Variants in ASB13 observed in about 807,000 individuals in gnomAD.
ASB13 encodes the protein ankyrin repeat and SOCS box protein 13.
Under a neutral mutation model 28.8 loss-of-function variants are expected in ASB13, and 33 were observed. The ratio of observed to expected loss-of-function variants is 1.15; its 90% CI spans 0.87 to 1.53. ASB13 has a LOEUF of 1.53. Among genes scored for constraint, ASB13 ranks in the 40% most tolerant of loss-of-function variants. ASB13 has a pLI of 0.00. For missense variants in ASB13, 414 were observed against 390.1 expected, an observed-to-expected ratio of 1.06 and a Z score of -0.52; for synonymous variants, 182 against 172.9, an observed-to-expected ratio of 1.05 and a Z score of -0.41.
At chr10:5,662,301 C>T (rs1438371394) in intron 1 of ASB13, among the ~76,000 whole-genome samples, 7 of 151,842 alleles carry the variant, frequency 4.6e-5, no homozygotes, top group Non-Finnish European at 1.0e-4. Context: ...GGCGGATCAC[C>T]TGAGGTCAAG....
intron 1 of ASB13, among the ~76,000 whole-genome samples, chr10:5,666,277 C>T (rs929482500): frequency 1.3e-5 from 2 of 152,102 alleles, no homozygotes; most frequent in Non-Finnish European, 2.9e-5. Flanking sequence ...GCACGGACTG[C>T]AACCCCGCAG....
chr10:5,666,095 G>C (rs1191176267), intron 1 of ASB13, among the ~76,000 whole-genome samples: 1 of 152,186 alleles, frequency 6.6e-6, no homozygotes, highest in African/African-American at 2.4e-5. Flanking sequence ...AGTGGAGGGG[G>C]GTTTAGCTCT....
chr10:5,642,932 A>T lies in ASB13; in HGVS notation c.518-971T>A, dbSNP rs990681022. 6.6e-6 allele frequency among the ~76,000 whole-genome samples: 1 copy of T among 152,238 alleles called. No homozygotes were observed. Among genetic ancestry groups the T allele is most frequent in the Non-Finnish European group, 1.5e-5 (1 of 68,048 alleles). On this transcript the variant is annotated intron_variant, in intron 4 of 5. Coordinates refer to ENST00000357700, the MANE Select transcript of ASB13 (RefSeq NM_024701.4). This position sits in a 1 kb window ranked among gnomAD's most constrained non-coding sequence, Gnocchi z 4.1. The stretch of plus-strand genomic sequence containing the variant: ...ATGGCATTTTGCAACACACTAAAAA[A>T]AATTTTGATAAAAATATGATTTTTG...
In ASB13 at chr10:5,650,731, A is replaced by G. The variant is rs1834970789; in HGVS notation, c.382+482T>C. On this transcript the variant is annotated intron_variant, in intron 3 of 5. Coordinates refer to ENST00000357700, the MANE Select transcript of ASB13 (RefSeq NM_024701.4). The surrounding 1 kb of genome is among the most constrained non-coding windows in gnomAD (Gnocchi z 6.0). Reference sequence around the variant, plus strand: ...CGGGGTGCCCTTTTATCTTCCCAGCATCTGCAGTCTGCCTATTCTTGGGGG... The same window carrying G: ...CGGGGTGCCCTTTTATCTTCCCAGCGTCTGCAGTCTGCCTATTCTTGGGGG... Among the ~76,000 whole-genome samples the G allele has an allele frequency of 6.6e-6, 1 of 152,188 alleles. No individual in the cohort carries two copies. The highest frequency in any genetic ancestry group is 2.1e-4 in the South Asian group (1 of 4,832).
At chr10:5,662,138 T>A (rs570923674) in intron 1 of ASB13, among the ~76,000 whole-genome samples, 24 of 152,006 alleles carry the variant, frequency 1.6e-4, no homozygotes, top group African/African-American at 5.8e-4. Context: ...AAGTCAAGAG[T>A]CCTGAGTGAC....
In ASB13 at chr10:5,650,226, C is replaced by T. The variant is rs531503458; in HGVS notation, c.382+987G>A. Among the ~76,000 whole-genome samples, 13 of 152,338 alleles carry T rather than the reference C, an allele frequency of 8.5e-5. No homozygotes were observed. In the South Asian group the frequency reaches 1.9e-3, roughly 22 times the overall value. On this transcript the variant is annotated intron_variant, in intron 3 of 5. Coordinates refer to ENST00000357700, the MANE Select transcript of ASB13 (RefSeq NM_024701.4). This position sits in a 1 kb window ranked among gnomAD's most constrained non-coding sequence, Gnocchi z 6.0. ...TGAGCACTGGGCACCTTGATCTCAG[C>T]GATGGTCCCCAACTCATCCCTCTGC...
In ASB13 at chr10:5,661,626, C is replaced by T. The variant is rs1461856719; in HGVS notation, c.43+4883G>A. Among the ~76,000 whole-genome samples, 1 of 152,186 alleles carries T rather than the reference C, an allele frequency of 6.6e-6. No homozygotes were observed. Among genetic ancestry groups the T allele is most frequent in the African/African-American group, 2.4e-5 (1 of 41,448 alleles). On this transcript the variant is annotated intron_variant, in intron 1 of 5. Transcript: ENST00000357700. The surrounding 1 kb of genome is among the most constrained non-coding windows in gnomAD (Gnocchi z 4.9). ...CCTCCCACCTCAGCCTCCCAAGTAGCTGGGACTACAGGCCCATGCACCACC... is the reference window on the plus strand; with the variant it reads ...CCTCCCACCTCAGCCTCCCAAGTAGTTGGGACTACAGGCCCATGCACCACC...
chr10:5,648,762 G>A (rs949941931), intron 4 of ASB13, among the ~76,000 whole-genome samples: 4 of 146,392 alleles, frequency 2.7e-5, no homozygotes, highest in Non-Finnish European at 6.1e-5. Context: ...ACCCACTCAG[G>A]CAAACACCCA....
rs116092609 is a variant in ASB13, at chr10:5,656,563, C to T, written c.44-3513G>A. ...CAAGAAAAAAAAAAAAAGTCTGTAG[C>T]AGTGAAACAGCAAAAGAACTAACAT... is the stretch of plus-strand genomic sequence containing the variant. On this transcript the variant is annotated intron_variant, in intron 1 of 5. Transcript: ENST00000357700. This position sits in a 1 kb window ranked among gnomAD's most constrained non-coding sequence, Gnocchi z 4.3. 6.6e-6 allele frequency among the ~76,000 whole-genome samples: 1 copy of T among 151,028 alleles called. No individual in the cohort carries two copies. Among genetic ancestry groups the T allele is most frequent in the Non-Finnish European group, 1.5e-5 (1 of 67,826 alleles).
rs1456652769 is a variant in ASB13 at position 5,642,155 on chromosome 10, C to A, written c.518-194G>T. Among the ~76,000 whole-genome samples, 2 of 152,126 alleles carry A rather than the reference C, an allele frequency of 1.3e-5. No homozygotes were observed. The highest frequency in any genetic ancestry group is 1.3e-4 in the Admixed American group (2 of 15,278). ...AAGCAGGAACTACTTACTGTCCCCA[C>A]TCATGAGAGATAAAGGTAGGCAGCA... is the stretch of plus-strand genomic sequence containing the variant. On this transcript the variant is annotated intron_variant, in intron 4 of 5. Coordinates refer to ENST00000357700, the MANE Select transcript of ASB13 (RefSeq NM_024701.4). This position sits in a 1 kb window ranked among gnomAD's most constrained non-coding sequence, Gnocchi z 4.1.
At chr10:5,646,973 AC>A (rs1267409754) in intron 4 of ASB13, among the ~76,000 whole-genome samples, 2 of 152,238 alleles carry the variant, frequency 1.3e-5, no homozygotes, top group African/African-American at 4.8e-5. Context: ...AAGTACCTCA[AC>A]AACTATTCCT....
intron 4 of ASB13, among the ~76,000 whole-genome samples, chr10:5,646,452 C>T (rs537221503): frequency 2.0e-5 from 3 of 152,324 alleles, no homozygotes; most frequent in African/African-American, 4.8e-5. Context: ...AAACAGGAAA[C>T]GTCTGGCGTG....
Position 5,645,144 on chromosome 10 carries a change from C to T in ASB13, c.518-3183G>A, listed in dbSNP as rs549317810. Among the ~76,000 whole-genome samples, 23 of 151,996 alleles carry T rather than the reference C, an allele frequency of 1.5e-4. No homozygotes were observed. The highest frequency in any genetic ancestry group is 5.2e-4 in the Admixed American group (8 of 15,266). ...AGAGAACCCGTGGCCAGTGACGTGA[C>T]GGGACCGCCTAAGACCTTAGCACGC... On this transcript the variant is annotated intron_variant, in intron 4 of 5. Coordinates refer to ENST00000357700, the MANE Select transcript of ASB13 (RefSeq NM_024701.4). The surrounding 1 kb of genome is among the most constrained non-coding windows in gnomAD (Gnocchi z 5.4).
rs901613914 is a variant in ASB13, at chr10:5,641,256, C to T, written c.710-426G>A. Among the ~76,000 whole-genome samples the T allele has an allele frequency of 1.3e-5, 2 of 152,088 alleles. No individual in the cohort carries two copies. The highest frequency in any genetic ancestry group is 4.8e-5 in the African/African-American group (2 of 41,400). On this transcript the variant is annotated intron_variant, in intron 5 of 5. Coordinates refer to ENST00000357700, the MANE Select transcript of ASB13 (RefSeq NM_024701.4). This position sits in a 1 kb window ranked among gnomAD's most constrained non-coding sequence, Gnocchi z 8.4. ...AGCTGGGATTACAGGCACCCACCAC[C>T]ATGCCCGCCTAATTTTTATATTTTT...
In ASB13 at chr10:5,649,500, C is replaced by G. The variant is rs893023627; in HGVS notation, c.383-396G>C. On this transcript the variant is annotated intron_variant, in intron 3 of 5. Coordinates refer to ENST00000357700, the MANE Select transcript of ASB13 (RefSeq NM_024701.4). This position sits in a 1 kb window ranked among gnomAD's most constrained non-coding sequence, Gnocchi z 6.4. Reference sequence around the variant, plus strand: ...CAGACTTTCTTATGCAGGTCATCCTCCTGTGCACCACGGCAGCCGCCTCTC... The same window carrying G: ...CAGACTTTCTTATGCAGGTCATCCTGCTGTGCACCACGGCAGCCGCCTCTC... Among the ~76,000 whole-genome samples the G allele has an allele frequency of 1.4e-4, 21 of 152,140 alleles. No homozygotes were observed. Among genetic ancestry groups the G allele is most frequent in the African/African-American group, 5.1e-4 (21 of 41,544 alleles).
rs1381539506 is a variant in ASB13 at position 5,653,063 on chromosome 10, G to A, written c.44-13C>T. 6.5e-7 allele frequency: 1 copy of A among 1,534,114 alleles called. No homozygotes were observed. The highest frequency in any genetic ancestry group is 1.2e-5 in the South Asian group (1 of 82,300). The stretch of plus-strand genomic sequence containing the variant: ...TCCACCCAGAAACCTGGAAAGGAAG[G>A]GGACCTCAGGCTAAGACCCTGCCAC... On this transcript the variant is annotated splice_polypyrimidine_tract_variant and intron_variant, in intron 1 of 5. Coordinates refer to ENST00000357700, the MANE Select transcript of ASB13 (RefSeq NM_024701.4).
rs1834780348 is a variant in ASB13 at position 5,639,990 on chromosome 10, T to C, written c.*713A>G. The C allele has an allele frequency of 6.6e-6, 1 of 152,528 alleles. No individual in the cohort carries two copies. Among genetic ancestry groups the C allele is most frequent in the Admixed American group, 6.5e-5 (1 of 15,278 alleles). 9.4% of individuals were successfully genotyped at this position (152,528 alleles called of 1,614,324 possible). A position where few individuals can be genotyped will look rare whatever the true frequency, so the allele number is the denominator to read the frequency against. Reference sequence around the variant, plus strand: ...CCTACATATAAACTTTTTACAAGAGTTGGAGACCTAATACTGAAGACAAAT... The same window carrying C: ...CCTACATATAAACTTTTTACAAGAGCTGGAGACCTAATACTGAAGACAAAT... On this transcript the variant is annotated 3_prime_UTR_variant, in exon 6 of 6. Coordinates refer to ENST00000357700, the MANE Select transcript of ASB13 (RefSeq NM_024701.4).
Position 5,640,503 on chromosome 10 carries a change from C to T in ASB13, c.*200G>A. 1 of 639,018 alleles carries T rather than the reference C, an allele frequency of 1.6e-6. No homozygotes were observed. The highest frequency in any genetic ancestry group is 1.9e-5 in the South Asian group (1 of 51,492). The allele number at this position is 639,018 out of a possible 1,614,324, so 39.6% of individuals were successfully genotyped here. The stretch of plus-strand genomic sequence containing the variant: ...GCAGGGCCACACCCACAACTGTGAC[C>T]TGAGACGCAGGCCTTCCCAACACCC... On this transcript the variant is annotated 3_prime_UTR_variant, in exon 6 of 6. Coordinates refer to ENST00000357700, the MANE Select transcript of ASB13 (RefSeq NM_024701.4).
rs758656739 is a variant in ASB13, at chr10:5,641,506, AGC to A, written c.709+262_709+263del. Among the ~76,000 whole-genome samples the A allele has an allele frequency of 1.3e-5, 2 of 152,364 alleles. No individual in the cohort carries two copies. ...TAGGAGGCTCATCTGTCAAATGTCCAGCACAGGAGGCACAGGTCTGGTGCCCG... is the reference window on the plus strand; with the variant it reads ...TAGGAGGCTCATCTGTCAAATGTCCAACAGGAGGCACAGGTCTGGTGCCCG... On this transcript the variant is annotated intron_variant, in intron 5 of 5. Transcript: ENST00000357700. The surrounding 1 kb of genome is among the most constrained non-coding windows in gnomAD (Gnocchi z 8.4).
Sources: gnomAD v4.1 joint callset for allele counts (sites outside exome capture counted in the v4.1 genomes callset) on GRCh38, gnomAD v4.1.1 for gene constraint, Gnocchi (gnomAD v3.1) non-coding constraint, MANE v1.5 for transcripts, NCBI Gene and HGNC (gene_info 2026-07-23, HGNC 2026-07-21) for gene names.